The following ARHGEF37 variants were observed in gnomAD, a reference collection of about 807,000 sequenced individuals.
ARHGEF37 encodes Rho guanine nucleotide exchange factor (GEF) 37.
In ARHGEF37, 55 loss-of-function variants were observed where a neutral mutation model predicts 71.1. The observed-to-expected ratio is 0.77, with a 90% CI of 0.62 to 0.97. ARHGEF37 has a LOEUF of 0.97. Ranked by LOEUF, ARHGEF37 falls within the 50% of genes least tolerant of loss-of-function variation. The pLI, the probability that ARHGEF37 is intolerant of heterozygous loss-of-function variation, is 0.00. For synonymous variants in ARHGEF37, 327 were observed against 350.6 expected (o/e 0.93, Z 0.75); for missense variants, 765 against 836.8 (o/e 0.91, Z 1.06).
At chr5:149,606,724 G>A (rs1204887662) in intron 3 of ARHGEF37, 1 of 152,158 alleles carries the variant, frequency 6.6e-6, no homozygotes, top group Admixed American at 6.5e-5. Flanking sequence ...TAGCGTATAT[G>A]ATGCTAAAAT....
At chr5:149,590,192 AAG>A (rs1309731947) in intron 1 of ARHGEF37, among the ~76,000 whole-genome samples, 1 of 151,010 alleles carries the variant, frequency 6.6e-6, no homozygotes, top group African/African-American at 2.4e-5. Context: ...AACAGAAGAG[AAG>A]AGAGAGAAAA....
intron 10 of ARHGEF37, among the ~76,000 whole-genome samples, chr5:149,625,339 C>T (rs1752654454): frequency 6.6e-6 from 1 of 152,230 alleles, no homozygotes; most frequent in South Asian, 2.1e-4. Context: ...AGGGTCTCCT[C>T]AGACTGTGGC....
chr5:149,625,433 C>T (rs187350383), intron 10 of ARHGEF37, among the ~76,000 whole-genome samples: 67 of 152,208 alleles, frequency 4.4e-4, no homozygotes, highest in African/African-American at 1.3e-3. Context: ...TGAGATTCCC[C>T]AGAGGGAGAA....
In ARHGEF37 at chr5:149,618,222, G is replaced by A; in HGVS notation, c.705G>A (p.Leu235=). 6.2e-7 allele frequency: 1 copy of A among 1,614,202 alleles called. No individual in the cohort carries two copies. The highest frequency in any genetic ancestry group is 8.5e-7 in the Non-Finnish European group (1 of 1,180,030). The change falls in exon 6 of 13, where the codon CTG becomes CTA. Residue 235 remains leucine, a synonymous_variant. Transcript: ENST00000333677. The stretch of plus-strand genomic sequence containing the variant: ...AGCAGCTGACCCTCCGGGAGCGGCT[G>A]GCCCGCATCAACACACACACCCTCT... The part of the protein sequence containing the change: ...KVEQLTLRER[L]ARINTHTLSK...
At chr5:149,556,356 G>A (rs1762755782) in intron 1 of ARHGEF37, among the ~76,000 whole-genome samples, 1 of 133,084 alleles carries the variant, frequency 7.5e-6, no homozygotes, top group East Asian at 2.1e-4. Flanking sequence ...ACCATGCCCA[G>A]CTAGTTTTTG....
At chr5:149,558,691 ATGTGTGTGTGTGTGTGTGTG>A (rs58959997) in intron 1 of ARHGEF37, among the ~76,000 whole-genome samples, 37 of 127,992 alleles carry the variant, frequency 2.9e-4, no homozygotes, top group African/African-American at 1.2e-3. Flanking sequence ...CCATATATAT[ATGTGTGTGTGTGTGTGTGTG>A]TGTGTGTGTG....
chr5:149,601,282 T>C, intron 3 of ARHGEF37, 51 bp downstream of exon 3: 1 of 1,580,450 alleles, frequency 6.3e-7, no homozygotes, highest in Non-Finnish European at 8.7e-7. Context: ...ATGGAACTGT[T>C]CTCAGCGAGT....
At chr5:149,563,546 A>G (rs1253146168) in intron 1 of ARHGEF37, among the ~76,000 whole-genome samples, 1 of 152,202 alleles carries the variant, frequency 6.6e-6, no homozygotes, top group Non-Finnish European at 1.5e-5. Flanking sequence ...TAGTTGATAT[A>G]GGATATGTGA....
At chr5:149,589,217 A>G (rs968070984) in intron 1 of ARHGEF37, among the ~76,000 whole-genome samples, 4 of 151,814 alleles carry the variant, frequency 2.6e-5, no homozygotes, top group Non-Finnish European at 5.9e-5. Flanking sequence ...AGTTTTGAAT[A>G]TTGTTTCCTC....
At chr5:149,585,366 A>G (rs1333791250) in intron 1 of ARHGEF37, among the ~76,000 whole-genome samples, 2 of 152,244 alleles carry the variant, frequency 1.3e-5, no homozygotes, top group African/African-American at 4.8e-5. Context: ...CAGTGTGTGA[A>G]GAGACAAATT....
intron 2 of ARHGEF37, among the ~76,000 whole-genome samples, chr5:149,599,940 C>T (rs1295759896): frequency 6.6e-6 from 1 of 152,148 alleles, no homozygotes; most frequent in African/African-American, 2.4e-5. Flanking sequence ...CAAGCAAATA[C>T]AGTCTTATGT....
intron 1 of ARHGEF37, among the ~76,000 whole-genome samples, chr5:149,595,262 A>G (rs2113297594): frequency 6.6e-6 from 1 of 152,160 alleles, no homozygotes; most frequent in South Asian, 2.1e-4. Context: ...TGCAACTTCT[A>G]CCTCCTGGGC....
intron 8 of ARHGEF37, among the ~76,000 whole-genome samples, chr5:149,620,780 G>C (rs4382154): frequency 6.8e-6 from 1 of 148,124 alleles, no homozygotes; most frequent in Admixed American, 6.9e-5. Context: ...GCAGTGAGCC[G>C]AGATCATGCC....
intron 9 of ARHGEF37, among the ~76,000 whole-genome samples, chr5:149,622,648 G>C (rs1752579882): frequency 6.6e-6 from 1 of 152,186 alleles, no homozygotes; most frequent in South Asian, 2.1e-4. Flanking sequence ...ATTGAACTCT[G>C]ACAGTTCAGC....
At chr5:149,582,994 G>A (rs1428915821) in intron 1 of ARHGEF37, among the ~76,000 whole-genome samples, 1 of 152,106 alleles carries the variant, frequency 6.6e-6, no homozygotes, top group Non-Finnish European at 1.5e-5. Context: ...CTAAATAAGG[G>A]TGCAGCAAGG....
chr5:149,598,330 TTCCTCTTCCTCTTCC>T (rs1763625221), intron 2 of ARHGEF37, among the ~76,000 whole-genome samples: 10 of 115,926 alleles, frequency 8.6e-5, no homozygotes, highest in Admixed American at 2.1e-4. Flanking sequence ...TTCTTCTTTC[TTCCTCTTCCTCTTCC>T]TCTTCTTCTT....
rs759259812 is a variant in ARHGEF37, at chr5:149,632,009, A to G, written c.1846A>G (p.Arg616Gly). 1.2e-6 allele frequency: 2 copies of G among 1,614,260 alleles called. No individual in the cohort carries two copies. Among genetic ancestry groups the G allele is most frequent in the South Asian group, 2.2e-5 (2 of 91,086 alleles). ...QVIAAYPFVARSSHEVSLQAG... is the reference protein window; with the variant it reads ...QVIAAYPFVAGSSHEVSLQAG... Reference sequence around the variant, plus strand: ...CATAGCCGCGTACCCTTTTGTGGCCAGAAGCAGCCATGAAGTGAGCCTGCA... The same window carrying G: ...CATAGCCGCGTACCCTTTTGTGGCCGGAAGCAGCCATGAAGTGAGCCTGCA... The change falls in exon 13 of 13, where the codon AGA becomes GGA. Residue 616 changes from arginine (R) to glycine (G), a missense_variant. Around this residue, in one of 5 missense-constraint regions of ARHGEF37, gnomAD observed 390 missense variants for 407.4 expected, o/e 0.96. Transcript: ENST00000333677.
intron 9 of ARHGEF37, among the ~76,000 whole-genome samples, chr5:149,623,557 GAGT>G (rs1384647858): frequency 2.0e-5 from 3 of 152,234 alleles, no homozygotes; most frequent in Non-Finnish European, 4.4e-5. Flanking sequence ...CAGAGCTAGG[GAGT>G]GTTTGGGGAT....
chr5:149,559,549 G>A (rs1762801920), intron 1 of ARHGEF37, among the ~76,000 whole-genome samples: 2 of 152,126 alleles, frequency 1.3e-5, no homozygotes, highest in South Asian at 2.1e-4. Context: ...AACAAACTAT[G>A]CTGTAATGAA....
Sources: gnomAD v4.1 joint callset for allele counts (sites outside exome capture counted in the v4.1 genomes callset) on GRCh38, gnomAD v4.1.1 for gene constraint, gnomAD v4.1.1 regional missense constraint, MANE v1.5 for transcripts, NCBI Gene and HGNC (gene_info 2026-07-23, HGNC 2026-07-21) for gene names.